The following PELI2 variants were observed in gnomAD, a reference collection of about 807,000 sequenced individuals.
The protein encoded by PELI2 is pellino E3 ubiquitin protein ligase family member 2.
Under a neutral mutation model 42.3 loss-of-function variants are expected in PELI2, and 23 were observed. The ratio of observed to expected loss-of-function variants is 0.54; its 90% confidence interval spans 0.39 to 0.77. The LOEUF is 0.77. Ranked by LOEUF, PELI2 falls within the 30% of genes least tolerant of loss-of-function variation. The pLI is 0.00. For synonymous variants in PELI2, 245 were observed against 212.2 expected (o/e 1.15, Z -1.34); for missense variants, 463 against 553.2 (o/e 0.84, Z 1.64).
intron 1 of PELI2, among the ~76,000 whole-genome samples, chr14:56,151,576 C>A (rs1484007365): frequency 6.6e-6 from 1 of 152,204 alleles, no homozygotes; most frequent in African/African-American, 2.4e-5. Flanking sequence ...CCCAGCTCTG[C>A]TGCTGCGTAG....
intron 2 of PELI2, among the ~76,000 whole-genome samples, chr14:56,206,870 C>T (rs909740951): frequency 9.2e-5 from 14 of 152,140 alleles, no homozygotes; most frequent in Non-Finnish European, 2.1e-4. Flanking sequence ...TTAAACTTGT[C>T]TGTATTATCC....
At chr14:56,193,669 A>C (rs1433871872) in intron 2 of PELI2, among the ~76,000 whole-genome samples, 1 of 152,232 alleles carries the variant, frequency 6.6e-6, no homozygotes, top group African/African-American at 2.4e-5. Flanking sequence ...AATCCATATG[A>C]GTTAATCTCA....
At chr14:56,138,078 C>T (rs149599085) in intron 1 of PELI2, among the ~76,000 whole-genome samples, 4 of 152,330 alleles carry the variant, frequency 2.6e-5, no homozygotes, top group Non-Finnish European at 5.9e-5. Context: ...AGCCAGGCTG[C>T]ATGCCTTACC....
chr14:56,233,093 C>A (rs1042729743), intron 2 of PELI2, among the ~76,000 whole-genome samples: 1 of 152,028 alleles, frequency 6.6e-6, no homozygotes, highest in East Asian at 1.9e-4. Context: ...CTCTGCTCAA[C>A]GAAATAAAAA....
At chr14:56,253,983 G>A (rs576368301) in intron 2 of PELI2, among the ~76,000 whole-genome samples, 2 of 152,274 alleles carry the variant, frequency 1.3e-5, no homozygotes, top group East Asian at 3.9e-4. Context: ...GATGGTACTG[G>A]TACCAAAACA....
At chr14:56,225,656 A>C (rs1887324651) in intron 2 of PELI2, among the ~76,000 whole-genome samples, 1 of 152,170 alleles carries the variant, frequency 6.6e-6, no homozygotes, top group East Asian at 1.9e-4. Context: ...CAGCAGCATC[A>C]CCTTTTCAGG....
At chr14:56,205,017 G>A (rs1188427950) in intron 2 of PELI2, among the ~76,000 whole-genome samples, 1 of 137,726 alleles carries the variant, frequency 7.3e-6, no homozygotes, top group African/African-American at 2.7e-5. Context: ...GCGACAGAGC[G>A]AGACTCCCTG....
intron 2 of PELI2, among the ~76,000 whole-genome samples, chr14:56,204,836 C>T (rs1369567880): frequency 1.3e-5 from 2 of 151,974 alleles, no homozygotes; most frequent in South Asian, 4.2e-4. Context: ...TCGAGACCAT[C>T]GTGGCTAACA....
intron 2 of PELI2, among the ~76,000 whole-genome samples, chr14:56,247,004 A>G (rs1460263364): frequency 6.6e-6 from 1 of 152,212 alleles, no homozygotes; most frequent in Non-Finnish European, 1.5e-5. Context: ...TTGTTGGTCT[A>G]CTGCTTACTT....
chr14:56,214,623 A>G (rs1424756031), intron 2 of PELI2, among the ~76,000 whole-genome samples: 1 of 152,090 alleles, frequency 6.6e-6, no homozygotes, highest in African/African-American at 2.4e-5. Context: ...CTTCTGCTGT[A>G]TGTCAGGGGC....
intron 2 of PELI2, among the ~76,000 whole-genome samples, chr14:56,212,148 C>T (rs896850390): frequency 6.6e-6 from 1 of 152,066 alleles, no homozygotes; most frequent in African/African-American, 2.4e-5. Context: ...GACAGAGACC[C>T]CGTTTTCTTA....
intron 2 of PELI2, among the ~76,000 whole-genome samples, chr14:56,258,807 A>C (rs1888611465): frequency 6.6e-6 from 1 of 152,160 alleles, no homozygotes; most frequent in Admixed American, 6.6e-5. Context: ...CAATTTTAAA[A>C]GGCCAAAATT....
chr14:56,247,099 A>G (rs1888189467), intron 2 of PELI2, among the ~76,000 whole-genome samples: 2 of 152,198 alleles, frequency 1.3e-5, no homozygotes, highest in East Asian at 3.9e-4. Context: ...GGACCTGTAG[A>G]ATTGTGTCTG....
intron 1 of PELI2, among the ~76,000 whole-genome samples, chr14:56,151,626 G>A (rs1460660327): frequency 6.6e-6 from 1 of 152,148 alleles, no homozygotes; most frequent in Non-Finnish European, 1.5e-5. Context: ...CGTGCCTGAG[G>A]TTCTCTTCTC....
At chr14:56,234,746 A>AT (rs150521581) in intron 2 of PELI2, among the ~76,000 whole-genome samples, 57,523 of 151,000 alleles carry the variant, frequency 0.38, 11,711 homozygotes, top group South Asian at 0.56. Flanking sequence ...AACTTAAAGT[A>AT]TTTTTTTTAA....
chr14:56,244,331 T>A (rs575126153), intron 2 of PELI2, among the ~76,000 whole-genome samples: 42 of 152,346 alleles, frequency 2.8e-4, no homozygotes, highest in African/African-American at 9.9e-4. Context: ...GGGTATGCAA[T>A]GTGGAAAGCA....
chr14:56,131,098 A>G (rs1883466562), intron 1 of PELI2, among the ~76,000 whole-genome samples: 1 of 152,224 alleles, frequency 6.6e-6, no homozygotes, highest in African/African-American at 2.4e-5. Flanking sequence ...GGAAAAGTCC[A>G]TATAGCTCCT....
intron 2 of PELI2, among the ~76,000 whole-genome samples, chr14:56,235,933 A>G (rs920130124): frequency 6.6e-6 from 1 of 152,188 alleles, no homozygotes; most frequent in Admixed American, 6.5e-5. Flanking sequence ...CAATTTCATT[A>G]TCTATGTAAA....
At chr14:56,166,244 C>T (rs1566615512) in intron 1 of PELI2, among the ~76,000 whole-genome samples, 1 of 152,134 alleles carries the variant, frequency 6.6e-6, no homozygotes, top group Admixed American at 6.5e-5. Flanking sequence ...AAAAAGAAAA[C>T]TAAGAAAAAT....
Sources: gnomAD v4.1 joint callset for allele counts (sites outside exome capture counted in the v4.1 genomes callset) on GRCh38, gnomAD v4.1.1 for gene constraint, MANE v1.5 for transcripts, NCBI Gene and HGNC (gene_info 2026-07-23, HGNC 2026-07-21) for gene names.